GALNT1: variants seen among roughly 807,000 people sequenced by gnomAD.
GALNT1 encodes polypeptide N-acetylgalactosaminyltransferase 1, also known as GalNAc transferase 1.
Under a neutral mutation model 65.7 loss-of-function variants are expected in GALNT1, and 17 were observed. The observed-to-expected ratio is 0.26, with a 90% CI of 0.18 to 0.39. The LOEUF is 0.39. GALNT1 is among the 10% of genes least tolerant of loss of function. The probability of loss-of-function intolerance (pLI) is 1.00; values close to 1 mark genes in which losing one functional copy is unlikely to be tolerated. For missense variants in GALNT1, 460 were observed against 672.8 expected (o/e 0.68, Z 3.50); for synonymous variants, 210 against 219.7 (o/e 0.96, Z 0.39).
intron 1 of GALNT1, chr18:35,627,631 A>G (rs944389151): frequency 6.6e-6 from 1 of 152,398 alleles, no homozygotes; most frequent in African/African-American, 2.4e-5. Context: ...GCTCCAGTCT[A>G]CAGCTCCCAG....
intron 1 of GALNT1, among the ~76,000 whole-genome samples, chr18:35,626,665 C>G (rs1025418688): frequency 8.5e-5 from 13 of 152,132 alleles, no homozygotes; most frequent in African/African-American, 3.1e-4. Context: ...GAGGTCTGGT[C>G]TTAGGGTTGG....
chr18:35,643,452 C>G (rs565428628), intron 1 of GALNT1, among the ~76,000 whole-genome samples: 148 of 152,292 alleles, frequency 9.7e-4, no homozygotes, highest in Middle Eastern at 3.4e-3. Flanking sequence ...ATAGATGTTA[C>G]AAACTTGGTT....
At chr18:35,689,076 T>C in intron 6 of GALNT1, 97 bp from the exon 7 acceptor site, 1 of 791,520 alleles carries the variant, frequency 1.3e-6, no homozygotes, top group East Asian at 2.4e-5. Context: ...AAGTACTTAC[T>C]CAGTAGTTAT....
chr18:35,632,883 G>A (rs1221200609), intron 1 of GALNT1, among the ~76,000 whole-genome samples: 4 of 152,236 alleles, frequency 2.6e-5, no homozygotes, highest in South Asian at 2.1e-4. Flanking sequence ...ACAAGTGGGC[G>A]AAGGATATGA....
At chr18:35,585,107 G>A (rs1383301473) in intron 1 of GALNT1, among the ~76,000 whole-genome samples, 1 of 152,184 alleles carries the variant, frequency 6.6e-6, no homozygotes, top group Non-Finnish European at 1.5e-5. Flanking sequence ...AGGTTGGCTG[G>A]GTTGGGGAGG....
chr18:35,601,414 C>G (rs2046580698), intron 1 of GALNT1, among the ~76,000 whole-genome samples: 1 of 149,706 alleles, frequency 6.7e-6, no homozygotes, highest in African/African-American at 2.5e-5. Flanking sequence ...TTGTGTAGAT[C>G]TTTTATATTT....
At chr18:35,693,157 C>T (rs576135419) in intron 9 of GALNT1, among the ~76,000 whole-genome samples, 1 of 151,738 alleles carries the variant, frequency 6.6e-6, no homozygotes, top group East Asian at 1.9e-4. Flanking sequence ...TGAAAGAGTA[C>T]GGAAGTTGAA....
At chr18:35,683,090 T>C (rs1353142307) in intron 4 of GALNT1, among the ~76,000 whole-genome samples, 2 of 150,858 alleles carry the variant, frequency 1.3e-5, no homozygotes, top group Non-Finnish European at 3.0e-5. Context: ...TAAGCATGAT[T>C]AGAGAAAGAA....
At chr18:35,660,443 A>G (rs1296095229) in intron 2 of GALNT1, among the ~76,000 whole-genome samples, 2 of 152,326 alleles carry the variant, frequency 1.3e-5, no homozygotes, top group Non-Finnish European at 2.9e-5. Context: ...ATATAATAAA[A>G]TATGTTTGTT....
chr18:35,589,133 C>CCTT (rs2046413839), intron 1 of GALNT1, among the ~76,000 whole-genome samples: 1 of 152,144 alleles, frequency 6.6e-6, no homozygotes, highest in Non-Finnish European at 1.5e-5. Flanking sequence ...GAAGTACAGG[C>CCTT]TCCCCACTTG....
chr18:35,692,408 T>C, intron 9 of GALNT1, 88 bp downstream of exon 9: 1 of 778,436 alleles, frequency 1.3e-6, no homozygotes, highest in Non-Finnish European at 1.8e-6. Context: ...AAACTTCCAA[T>C]AAGGAAAGTA....
At chr18:35,631,462 A>T (rs1598789377) in intron 1 of GALNT1, among the ~76,000 whole-genome samples, 1 of 152,222 alleles carries the variant, frequency 6.6e-6, no homozygotes, top group South Asian at 2.1e-4. Flanking sequence ...AAGCCACATG[A>T]TTATCTCAAT....
chr18:35,619,532 GA>G (rs1344829155), intron 1 of GALNT1, among the ~76,000 whole-genome samples: 3 of 151,282 alleles, frequency 2.0e-5, no homozygotes, highest in Non-Finnish European at 3.0e-5. Flanking sequence ...GGAATGCATG[GA>G]AAAAAAAATT....
chr18:35,628,968 T>C (rs962964468), intron 1 of GALNT1, among the ~76,000 whole-genome samples: 1 of 152,174 alleles, frequency 6.6e-6, no homozygotes, highest in Non-Finnish European at 1.5e-5. Context: ...AGGGTATCAG[T>C]GATGGAAGAT....
intron 1 of GALNT1, among the ~76,000 whole-genome samples, chr18:35,585,411 C>T (rs2046368494): frequency 6.6e-6 from 1 of 152,148 alleles, no homozygotes; most frequent in South Asian, 2.1e-4. Context: ...ATTTATGCCT[C>T]TTGAGTGTAT....
intron 11 of GALNT1, among the ~76,000 whole-genome samples, chr18:35,707,510 C>T (rs1284923328): frequency 6.6e-6 from 1 of 152,226 alleles, no homozygotes; most frequent in Non-Finnish European, 1.5e-5. Context: ...GAACAGGGTT[C>T]TCCACCAGAG....
chr18:35,671,991 T>C (rs1245418129), intron 3 of GALNT1, among the ~76,000 whole-genome samples: 1 of 152,236 alleles, frequency 6.6e-6, no homozygotes, highest in Non-Finnish European at 1.5e-5. Flanking sequence ...ATTTTTTCTC[T>C]GTTTGTTCCT....
At chr18:35,640,938 T>G (rs1165000436) in intron 1 of GALNT1, among the ~76,000 whole-genome samples, 1 of 152,226 alleles carries the variant, frequency 6.6e-6, no homozygotes, top group African/African-American at 2.4e-5. Flanking sequence ...TTATAATGAT[T>G]TCTAGATAGA....
chr18:35,686,852 C>T (rs932418511), intron 5 of GALNT1, among the ~76,000 whole-genome samples, 164 bp from the exon 6 acceptor site: 12 of 152,054 alleles, frequency 7.9e-5, no homozygotes, highest in African/African-American at 2.4e-4. Flanking sequence ...CTGCAGTGGC[C>T]CCTGATTGCA....
Sources: gnomAD v4.1 joint callset for allele counts (sites outside exome capture counted in the v4.1 genomes callset) on GRCh38, gnomAD v4.1.1 for gene constraint, MANE v1.5 for transcripts, NCBI Gene and HGNC (gene_info 2026-07-23, HGNC 2026-07-21) for gene names.